Variants in HPGDS observed in about 807,000 individuals in gnomAD.
HPGDS encodes hematopoietic prostaglandin D synthase.
A neutral mutation model predicts 23.1 loss-of-function variants in HPGDS; 26 were observed. That is an observed-to-expected ratio of 1.13 (90% CI 0.83 to 1.56). The LOEUF (loss-of-function observed/expected upper bound fraction) is 1.56. HPGDS is among the 40% of genes most tolerant of loss of function. HPGDS has a pLI of 0.00. For synonymous variants in HPGDS, 95 were observed against 77.9 expected (o/e 1.22, Z -1.16); for missense variants, 268 against 236.4 (o/e 1.13, Z -0.88).
At chr4:94,307,307 T>TAAA (rs762523386) in intron 4 of HPGDS, among the ~76,000 whole-genome samples, 1 of 110,592 alleles carries the variant, frequency 9.0e-6, no homozygotes, top group African/African-American at 3.3e-5. Flanking sequence ...CAGGAAAACA[T>TAAA]AAAAAAAAAA....
At chr4:94,328,576 T>G (rs1756680988) in intron 2 of HPGDS, among the ~76,000 whole-genome samples, 1 of 152,218 alleles carries the variant, frequency 6.6e-6, no homozygotes, top group African/African-American at 2.4e-5. Context: ...TTCAGCCACA[T>G]AGTTTTAACC....
chr4:94,337,257 C>T (rs1721041969), intron 1 of HPGDS, among the ~76,000 whole-genome samples: 1 of 151,996 alleles, frequency 6.6e-6, no homozygotes, highest in African/African-American at 2.4e-5. Context: ...AGGCGTGAGC[C>T]ACTGTGCCCA....
At chr4:94,314,408 G>T (rs201208606) in intron 3 of HPGDS, among the ~76,000 whole-genome samples, 1 of 152,158 alleles carries the variant, frequency 6.6e-6, no homozygotes, top group African/African-American at 2.4e-5. Context: ...GGTCCACTCC[G>T]GACCCTTTTT....
intron 5 of HPGDS, among the ~76,000 whole-genome samples, chr4:94,299,926 C>T (rs1756002116): frequency 6.6e-6 from 1 of 152,154 alleles, no homozygotes; most frequent in African/African-American, 2.4e-5. Flanking sequence ...TAACCTTGTC[C>T]AGTCTCCACC....
intron 1 of HPGDS, 42 bp from the exon 2 acceptor site, chr4:94,334,680 A>G (rs2126045877): frequency 7.8e-6 from 12 of 1,537,504 alleles, no homozygotes; most frequent in East Asian, 2.3e-5. Context: ...AGAGCCCTCT[A>G]GAGATGCCTC....
intron 4 of HPGDS, chr4:94,303,807 C>T (rs928741466): frequency 6.6e-6 from 1 of 152,076 alleles, no homozygotes; most frequent in African/African-American, 2.4e-5. Context: ...ATTTCCAGAG[C>T]TTCAGGTGCA....
At chr4:94,320,273 G>A (rs1018474007) in intron 2 of HPGDS, among the ~76,000 whole-genome samples, 3 of 152,106 alleles carry the variant, frequency 2.0e-5, no homozygotes, top group Non-Finnish European at 2.9e-5. Context: ...TTGGGTATAT[G>A]CCCAGTAATG....
chr4:94,308,785 A>C (rs757552008), intron 3 of HPGDS, 42 bp from the exon 4 acceptor site: 1 of 1,101,368 alleles, frequency 9.1e-7, no homozygotes, highest in South Asian at 1.4e-5. Context: ...TTAATTTACT[A>C]TATTAAAAAG....
At chr4:94,332,694 G>T (rs1756755662) in intron 2 of HPGDS, among the ~76,000 whole-genome samples, 1 of 152,222 alleles carries the variant, frequency 6.6e-6, no homozygotes, top group African/African-American at 2.4e-5. Context: ...AAGGGGTCAA[G>T]AAAAATTCTC....
At chr4:94,337,622 C>T (rs867663348) in intron 1 of HPGDS, among the ~76,000 whole-genome samples, 9 of 152,084 alleles carry the variant, frequency 5.9e-5, no homozygotes, top group African/African-American at 2.2e-4. Flanking sequence ...TTGCAGTGAG[C>T]CAAGATCCTG....
chr4:94,318,831 G>T (rs1266425540), intron 2 of HPGDS, among the ~76,000 whole-genome samples: 1 of 152,080 alleles, frequency 6.6e-6, no homozygotes, highest in Admixed American at 6.6e-5. Context: ...TCCTGCCTCA[G>T]CCTCCTGAGT....
intron 1 of HPGDS, among the ~76,000 whole-genome samples, chr4:94,339,123 G>A (rs1230066609): frequency 6.6e-6 from 1 of 152,170 alleles, no homozygotes; most frequent in Non-Finnish European, 1.5e-5. Context: ...GGGAAAATAA[G>A]CATAATTAGA....
chr4:94,309,206 G>T (rs1049109176), intron 3 of HPGDS, among the ~76,000 whole-genome samples: 2 of 151,070 alleles, frequency 1.3e-5, no homozygotes, highest in African/African-American at 4.9e-5. Context: ...GTGCCATGTT[G>T]GTGTGCTGCA....
At chr4:94,309,670 G>A (rs1579429755) in intron 3 of HPGDS, among the ~76,000 whole-genome samples, 1 of 151,730 alleles carries the variant, frequency 6.6e-6, no homozygotes, top group South Asian at 2.1e-4. Context: ...GGGTCAAATG[G>A]TATTTCTAGT....
rs373947864 is a variant in HPGDS at position 94,328,676 on chromosome 4, C to T, written c.133+5821G>A. 3.9e-4 allele frequency among the ~76,000 whole-genome samples: 60 copies of T among 152,278 alleles called. 3 individuals carry two copies. In the South Asian group the frequency reaches 0.012, roughly 31 times the overall value. On this transcript the variant is annotated intron_variant, in intron 2 of 5. Transcript: ENST00000295256. ...TTTTCATTTCAAGTTTTGTAAATCA[C>T]TTTTCATTTCACAGTATCTTTTAAA...
chr4:94,328,175 A>T (rs1225578627), intron 2 of HPGDS, among the ~76,000 whole-genome samples: 1 of 152,230 alleles, frequency 6.6e-6, no homozygotes, highest in Non-Finnish European at 1.5e-5. Flanking sequence ...CTCCAAGCTG[A>T]TTCCAGCCAC....
intron 3 of HPGDS, among the ~76,000 whole-genome samples, chr4:94,314,974 T>C (rs1047438227): frequency 6.6e-6 from 1 of 152,236 alleles, no homozygotes; most frequent in Non-Finnish European, 1.5e-5. Context: ...TGCCGTTTGC[T>C]AAGACTGTCG....
intron 2 of HPGDS, among the ~76,000 whole-genome samples, chr4:94,324,689 G>A (rs1004604503): frequency 6.6e-6 from 1 of 152,100 alleles, no homozygotes; most frequent in Non-Finnish European, 1.5e-5. Flanking sequence ...CAGCTTCCTT[G>A]TGATGGGTTC....
At chr4:94,320,939 A>G (rs1217855566) in intron 2 of HPGDS, among the ~76,000 whole-genome samples, 1 of 152,174 alleles carries the variant, frequency 6.6e-6, no homozygotes, top group African/African-American at 2.4e-5. Context: ...GAATTTTTGT[A>G]TAAGGTGTAA....
Sources: allele counts gnomAD v4.1 joint callset (sites outside exome capture counted in the v4.1 genomes callset), GRCh38; gene constraint gnomAD v4.1.1; transcripts MANE v1.5; gene names NCBI Gene and HGNC (gene_info 2026-07-23, HGNC 2026-07-21).